The following GGTA1 variants were observed in gnomAD, a reference collection of about 807,000 sequenced individuals.
GGTA1 encodes the protein inactive N-acetyllactosaminide alpha-1,3-galactosyltransferase.
In GGTA1, 5 loss-of-function variants were observed where a neutral mutation model predicts 2.6. The observed-to-expected ratio is 1.92, with a 90% confidence interval of 1.00 to 4.04. GGTA1 has a LOEUF of 4.04. GGTA1 is among the 30% of genes most tolerant of loss of function. GGTA1 has a pLI of 0.00. For synonymous variants in GGTA1, 17 were observed against 5.0 expected, an observed-to-expected ratio of 3.38 and a Z score of -3.19; for missense variants, 50 against 16.7, an observed-to-expected ratio of 2.99 and a Z score of -3.47.
intron 1 of GGTA1, among the ~76,000 whole-genome samples, chr9:121,498,035 C>A (rs147222936): frequency 6.1e-4 from 93 of 152,322 alleles, no homozygotes; most frequent in African/African-American, 2.1e-3. Flanking sequence ...GCTACTCCAC[C>A]AAAAACTGGA....
intron 1 of GGTA1, among the ~76,000 whole-genome samples, chr9:121,496,757 A>AAAAAAAAAAAAAAAAAAAAG (rs1554838784): frequency 1.9e-4 from 21 of 111,990 alleles, no homozygotes; most frequent in Non-Finnish European, 3.5e-4. Context: ...AAAAAAAAAA[A>AAAAAAAAAAAAAAAAAAAAG]AGAGAGAGAG....
chr9:121,494,977 T>A (rs1260463217), intron 1 of GGTA1, among the ~76,000 whole-genome samples: 3 of 141,160 alleles, frequency 2.1e-5, no homozygotes, highest in Non-Finnish European at 4.5e-5. Context: ...CAGGCTGGAG[T>A]GCAGTGGTGC....
downstream of GGTA1, among the ~76,000 whole-genome samples, chr9:121,451,699 T>C (rs2118747819): frequency 6.6e-6 from 1 of 152,304 alleles, no homozygotes; most frequent in South Asian, 2.1e-4. Context: ...AAAGCCACTG[T>C]GCTTAGGTCA....
chr9:121,460,724 A>G (rs969216221), intron 4 of GGTA1, among the ~76,000 whole-genome samples: 1 of 152,176 alleles, frequency 6.6e-6, no homozygotes, highest in Non-Finnish European at 1.5e-5. Flanking sequence ...GGGCGCCTGT[A>G]ATCCCAGCTA....
intron 5 of GGTA1, among the ~76,000 whole-genome samples, chr9:121,458,745 A>C (rs563831705): frequency 6.6e-6 from 1 of 152,262 alleles, no homozygotes; most frequent in African/African-American, 2.4e-5. Flanking sequence ...AAGAGTGAAG[A>C]GGGTGAAAGC....
chr9:121,477,440 T>A (rs1438284994), intron 1 of GGTA1, among the ~76,000 whole-genome samples: 1 of 152,206 alleles, frequency 6.6e-6, no homozygotes, highest in Non-Finnish European at 1.5e-5. Context: ...TAGTTTTACA[T>A]CATTTTCTTA....
Position 121,475,678 on chromosome 9 carries a change from T to C in GGTA1, c.-9-7747A>G, listed in dbSNP as rs1047539630. On this transcript the variant is annotated intron_variant, in intron 1 of 5. Transcript: ENST00000481799. ...GATGCTTTACTGAACAAGATTATCA[T>C]AGAGCTTCTGTTCCAATGGGAGTCA... Among the ~76,000 whole-genome samples, 4 of 152,314 alleles carry C rather than the reference T, an allele frequency of 2.6e-5. No individual in the cohort carries two copies. In the South Asian group the frequency reaches 6.2e-4, roughly 24 times the overall value.
At chr9:121,482,739 A>C (rs2118741791) in intron 1 of GGTA1, among the ~76,000 whole-genome samples, 1 of 152,312 alleles carries the variant, frequency 6.6e-6, no homozygotes, top group East Asian at 1.9e-4. Context: ...ACTGCACTCC[A>C]GCCCGGGCAA....
At chr9:121,460,272 G>T in intron 4 of GGTA1, 53 bp from the exon 5 acceptor site, 1 of 456,078 alleles carries the variant, frequency 2.2e-6, no homozygotes, top group East Asian at 6.9e-5. Flanking sequence ...GATTGCGGTG[G>T]TCAGAGAACT....
intron 3 of GGTA1, 180 bp downstream of exon 3, chr9:121,463,113 A>G: frequency 2.6e-6 from 1 of 392,058 alleles, no homozygotes. Flanking sequence ...CCATGGTTCT[A>G]TACAGATAAG....
intron 1 of GGTA1, among the ~76,000 whole-genome samples, chr9:121,498,269 A>T (rs1327646786): frequency 6.6e-6 from 1 of 152,024 alleles, no homozygotes; most frequent in Non-Finnish European, 1.5e-5. Context: ...ATCCCTAGGG[A>T]CTCGTTCAGC....
At chr9:121,473,960 G>A (rs13300705) in intron 1 of GGTA1, among the ~76,000 whole-genome samples, 125 of 78,934 alleles carry the variant, frequency 1.6e-3, no homozygotes, top group Middle Eastern at 6.9e-3. Flanking sequence ...AGAGAGAGAG[G>A]GAGGGAGGGA....
intron 1 of GGTA1, among the ~76,000 whole-genome samples, chr9:121,469,990 C>A (rs761611914): frequency 6.6e-6 from 1 of 152,220 alleles, no homozygotes; most frequent in Non-Finnish European, 1.5e-5. Flanking sequence ...CCTCAGTCTT[C>A]CCCTTGCTGC....
At chr9:121,490,024 G>C (rs1314984373) in intron 1 of GGTA1, among the ~76,000 whole-genome samples, 1 of 152,220 alleles carries the variant, frequency 6.6e-6, no homozygotes, top group East Asian at 1.9e-4. Context: ...CCCCGTTTCA[G>C]TATACTGAGG....
At chr9:121,473,445 G>A (rs1589333056) in intron 1 of GGTA1, among the ~76,000 whole-genome samples, 1 of 152,140 alleles carries the variant, frequency 6.6e-6, no homozygotes, top group Non-Finnish European at 1.5e-5. Flanking sequence ...AAGCCTCCAG[G>A]GAGGAAAGGT....
chr9:121,444,998 A>G (rs577132772), exon 8 of GGTA1: 2 of 152,354 alleles, frequency 1.3e-5, no homozygotes, highest in East Asian at 3.9e-4. Context: ...TATACTGAGA[A>G]AGTAATTTAT....
chr9:121,458,955 C>T (rs546296167), intron 5 of GGTA1, among the ~76,000 whole-genome samples: 2 of 152,314 alleles, frequency 1.3e-5, no homozygotes, highest in South Asian at 4.1e-4. Context: ...TTTATCAAAG[C>T]AACAATGCTT....
At chr9:121,486,871 T>C (rs1014216430) in intron 1 of GGTA1, among the ~76,000 whole-genome samples, 3 of 152,250 alleles carry the variant, frequency 2.0e-5, no homozygotes, top group African/African-American at 7.2e-5. Flanking sequence ...ATCTGGTGTC[T>C]GGATGACTTT....
rs546924734 is a variant in GGTA1, at chr9:121,473,994, G to T, written c.-9-6063C>A. ...GAGGGAGAGAGAGAGAGAGAGAAAA[G>T]AAAGAAAGAAAGAAACAAGGAAAGA... On this transcript the variant is annotated intron_variant, in intron 1 of 5. Transcript: ENST00000481799. Among the ~76,000 whole-genome samples the T allele has an allele frequency of 3.4e-4, 50 of 146,726 alleles. 1 individual carries two copies. The South Asian group carries it at 0.011, about 32-fold the overall frequency.
Sources: gnomAD v4.1 joint callset for allele counts (sites outside exome capture counted in the v4.1 genomes callset) on GRCh38, gnomAD v4.1.1 for gene constraint, MANE v1.5 for transcripts, NCBI Gene and HGNC (gene_info 2026-07-23, HGNC 2026-07-21) for gene names.